Variants in BIK observed in about 807,000 individuals in gnomAD.
BIK encodes the protein BCL2 interacting killer.
BIK carries 14 observed loss-of-function variants against 12.1 expected under a neutral mutation model. The observed-to-expected ratio is 1.16, with a 90% confidence interval of 0.77 to 1.81. The LOEUF (loss-of-function observed/expected upper bound fraction) is 1.81. Ranked by LOEUF, BIK falls within the 40% of genes most tolerant of loss-of-function variation. The pLI is 0.00. For synonymous variants in BIK, 86 were observed against 92.3 expected (o/e 0.93, Z 0.39); for missense variants, 215 against 207.9 (o/e 1.03, Z -0.21).
chr22:43,118,002 GTTAA>G (rs1930151303), intron 1 of BIK, among the ~76,000 whole-genome samples: 1 of 152,050 alleles, frequency 6.6e-6, no homozygotes, highest in African/African-American at 2.4e-5. Context: ...ATTTTTTATT[GTTAA>G]TTTATTTTTA....
In BIK at chr22:43,129,592, C is replaced by T. The variant is rs554115867; in HGVS notation, c.*287C>T. The T allele has an allele frequency of 5.9e-5, 29 of 494,908 alleles. No individual in the cohort carries two copies. The Admixed American group carries it at 7.5e-4, about 13-fold the overall frequency. The allele number at this position is 494,908 out of a possible 1,614,324, so 30.7% of individuals were successfully genotyped here. On this transcript the variant is annotated 3_prime_UTR_variant, in exon 5 of 5. Coordinates refer to ENST00000216115, the MANE Select transcript of BIK (RefSeq NM_001197.5). ...CCATTCACTCCTGCCCCTGCCCACACGGCAGGTAGCAGGGGGAGTGCTGGT... is the reference window on the plus strand; with the variant it reads ...CCATTCACTCCTGCCCCTGCCCACATGGCAGGTAGCAGGGGGAGTGCTGGT...
intron 1 of BIK, 79 bp from the exon 2 acceptor site, chr22:43,123,936 AT>A: frequency 6.8e-7 from 1 of 1,481,312 alleles, no homozygotes; most frequent in Non-Finnish European, 9.3e-7. Flanking sequence ...GGGCTATACA[AT>A]CTGGGGGTCA....
intron 1 of BIK, among the ~76,000 whole-genome samples, chr22:43,115,913 C>A (rs5751434): frequency 6.6e-6 from 1 of 152,034 alleles, no homozygotes; most frequent in African/African-American, 2.4e-5. Context: ...CCCGCCACCA[C>A]GCCCGGCTAA....
intron 1 of BIK, among the ~76,000 whole-genome samples, chr22:43,120,806 A>G (rs1290212046): frequency 1.3e-5 from 2 of 152,374 alleles, no homozygotes; most frequent in African/African-American, 2.4e-5. Flanking sequence ...TGCCATTCAT[A>G]TCAAGTCAAT....
chr22:43,112,415 TCTCGAA>T (rs1930028839), intron 1 of BIK, among the ~76,000 whole-genome samples: 1 of 151,758 alleles, frequency 6.6e-6, no homozygotes, highest in Admixed American at 6.6e-5. Flanking sequence ...GCCAAGCTAG[TCTCGAA>T]CTCCTGACCT....
intron 1 of BIK, among the ~76,000 whole-genome samples, chr22:43,115,791 C>T (rs1247952169): frequency 2.0e-5 from 3 of 151,616 alleles, no homozygotes; most frequent in Non-Finnish European, 2.9e-5. Context: ...GAGTCTTGCT[C>T]TGTTGCCCAG....
intron 1 of BIK, among the ~76,000 whole-genome samples, chr22:43,114,330 T>C (rs1001062482): frequency 6.6e-6 from 1 of 151,764 alleles, no homozygotes. Context: ...CGAGATGGAG[T>C]CTTGCTCTGT....
At chr22:43,112,630 C>A (rs1222770240) in intron 1 of BIK, among the ~76,000 whole-genome samples, 3 of 151,086 alleles carry the variant, frequency 2.0e-5, no homozygotes, top group South Asian at 2.1e-4. Context: ...ACATTTGACT[C>A]GTGCCTGTAA....
At chr22:43,121,439 G>A (rs1281629753) in intron 1 of BIK, among the ~76,000 whole-genome samples, 1 of 152,164 alleles carries the variant, frequency 6.6e-6, no homozygotes, top group Non-Finnish European at 1.5e-5. Flanking sequence ...TGGTGGCTGG[G>A]GCCTTCTTCC....
chr22:43,121,582 G>C (rs1930220427), intron 1 of BIK, among the ~76,000 whole-genome samples: 1 of 152,126 alleles, frequency 6.6e-6, no homozygotes. Context: ...CTCTGGCTTT[G>C]CGGGGCGTGG....
At position 43,127,813 on chromosome 22, in the gene BIK, T is replaced by A; in HGVS notation, c.260+18T>A. 1 of 1,543,314 alleles carries A rather than the reference T, an allele frequency of 6.5e-7. No homozygotes were observed. The highest frequency in any genetic ancestry group is 8.8e-7 in the Non-Finnish European group (1 of 1,141,990). On this transcript the variant is annotated intron_variant, in intron 3 of 4. Transcript: ENST00000216115. ...ATGCACAGGTAGCCGGCCTATGCCC[T>A]ATGCCTCTACACCTGGGGAGGGGCC...
Position 43,127,684 on chromosome 22 carries a change from G to A in BIK, c.162-13G>A, listed in dbSNP as rs558745188. ...GCACAGCCACACCCGACTCCTGTGT[G>A]TGCTCCCTGCAGTGACGCATTGGCC... On this transcript the variant is annotated splice_polypyrimidine_tract_variant and intron_variant, in intron 2 of 4. Transcript: ENST00000216115. 6 of 1,547,888 alleles carry A rather than the reference G, an allele frequency of 3.9e-6. No homozygotes were observed. Among genetic ancestry groups the A allele is most frequent in the South Asian group, 1.2e-5 (1 of 84,004 alleles).
At chr22:43,127,563 C>A (rs557479451) in intron 2 of BIK, 134 bp from the exon 3 acceptor site, 91 of 757,586 alleles carry the variant, frequency 1.2e-4, no homozygotes, top group South Asian at 1.0e-3. Context: ...CACTCACTGC[C>A]TGCCCCAAAT....
chr22:43,114,835 C>T (rs1930080351), intron 1 of BIK, among the ~76,000 whole-genome samples: 1 of 152,216 alleles, frequency 6.6e-6, no homozygotes, highest in Non-Finnish European at 1.5e-5. Context: ...TTACTGCATA[C>T]CATGCATGCA....
intron 1 of BIK, among the ~76,000 whole-genome samples, chr22:43,121,055 A>G (rs186607744): frequency 1.3e-5 from 2 of 152,254 alleles, no homozygotes; most frequent in Non-Finnish European, 2.9e-5. Context: ...TGTGCCTGTA[A>G]TCCCAGCTAC....
At chr22:43,114,635 C>T (rs551569331) in intron 1 of BIK, among the ~76,000 whole-genome samples, 5 of 152,226 alleles carry the variant, frequency 3.3e-5, no homozygotes, top group South Asian at 2.1e-4. Flanking sequence ...ACAGTATCTT[C>T]GAGATTAGAG....
chr22:43,127,006 C>T (rs985530958), intron 2 of BIK, among the ~76,000 whole-genome samples: 11 of 152,124 alleles, frequency 7.2e-5, no homozygotes, highest in Non-Finnish European at 1.5e-4. Flanking sequence ...CCTGGGAGTT[C>T]CCCCGGTGTA....
rs1351445260 is a variant in BIK at position 43,129,413 on chromosome 22, A to ATATT, written c.*111_*114dup. 2 of 1,433,184 alleles carry ATATT rather than the reference A, an allele frequency of 1.4e-6. No homozygotes were observed. The highest frequency in any genetic ancestry group is 2.9e-5 in the African/African-American group (2 of 69,342). 88.8% of individuals were successfully genotyped at this position (1,433,184 alleles called of 1,614,324 possible). A position where few individuals can be genotyped will look rare whatever the true frequency, so the allele number is the denominator to read the frequency against. On this transcript the variant is annotated 3_prime_UTR_variant, in exon 5 of 5. Coordinates refer to ENST00000216115, the MANE Select transcript of BIK (RefSeq NM_001197.5). Reference sequence around the variant, plus strand: ...AACTGTTTTCTCATGATGCCTTTTTATATTTAAACCCCGAGATAGTGCTGG... The same window carrying ATATT: ...AACTGTTTTCTCATGATGCCTTTTTATATTTATTTAAACCCCGAGATAGTGCTGG...
chr22:43,123,982 A>G, intron 1 of BIK, 34 bp from the exon 2 acceptor site: 1 of 1,610,062 alleles, frequency 6.2e-7, no homozygotes, highest in South Asian at 1.1e-5. Flanking sequence ...CTCAGTTCTT[A>G]GGGGTCCAGT....
Sources: allele counts gnomAD v4.1 joint callset (sites outside exome capture counted in the v4.1 genomes callset), GRCh38; gene constraint gnomAD v4.1.1; transcripts MANE v1.5; gene names NCBI Gene and HGNC (gene_info 2026-07-23, HGNC 2026-07-21).